ROBO2: variants seen among roughly 807,000 people sequenced by gnomAD.
ROBO2 encodes roundabout homolog 2.
A neutral mutation model predicts 160.8 loss-of-function variants in ROBO2; 53 were observed. The ratio of observed to expected loss-of-function variants is 0.33; its 90% confidence interval spans 0.26 to 0.41. The LOEUF is 0.41. Among genes scored for constraint, ROBO2 ranks in the 10% least tolerant of loss-of-function variants. ROBO2 has a pLI of 1.00. For synonymous variants in ROBO2, 664 were observed against 611.7 expected, an observed-to-expected ratio of 1.09 and a Z score of -1.26; for missense variants, 1,577 against 1,722.4, an observed-to-expected ratio of 0.92 and a Z score of 1.49.
At chr3:76,689,366 C>A (rs985860694) in intron 2 of ROBO2, among the ~76,000 whole-genome samples, 1 of 152,070 alleles carries the variant, frequency 6.6e-6, no homozygotes, top group Non-Finnish European at 1.5e-5. Context: ...AATTACAATA[C>A]AATGCATGGA....
intron 2 of ROBO2, among the ~76,000 whole-genome samples, chr3:76,273,110 C>T (rs1387792599): frequency 2.2e-4 from 5 of 22,262 alleles, no homozygotes; most frequent in Admixed American, 1.6e-3. Flanking sequence ...CATATACACA[C>T]ACACATATAA....
At chr3:76,532,947 A>G (rs539170080) in intron 2 of ROBO2, among the ~76,000 whole-genome samples, 1 of 152,316 alleles carries the variant, frequency 6.6e-6, no homozygotes, top group African/African-American at 2.4e-5. Flanking sequence ...GCTATTGAAA[A>G]TTTTGATACT....
chr3:76,043,186 T>A (rs1285154636), intron 2 of ROBO2, among the ~76,000 whole-genome samples: 2 of 151,946 alleles, frequency 1.3e-5, no homozygotes, highest in Non-Finnish European at 2.9e-5. Context: ...CAGATCATAG[T>A]GCCATGAATA....
At chr3:77,246,327 A>ATATGTGTGTG (rs112653468) in intron 2 of ROBO2, among the ~76,000 whole-genome samples, 3 of 145,830 alleles carry the variant, frequency 2.1e-5, no homozygotes, top group African/African-American at 7.7e-5. Context: ...GTGTATGTGT[A>ATATGTGTGTG]TGTGTGTGTG....
At chr3:77,509,014 T>C (rs116105866) in intron 5 of ROBO2, among the ~76,000 whole-genome samples, 1 of 152,008 alleles carries the variant, frequency 6.6e-6, no homozygotes. Context: ...TTAATGAGTG[T>C]AGTGTATGTC....
intron 2 of ROBO2, among the ~76,000 whole-genome samples, chr3:76,961,078 A>G (rs2079612628): frequency 6.6e-6 from 1 of 152,058 alleles, no homozygotes; most frequent in Non-Finnish European, 1.5e-5. Context: ...AATTTGGACC[A>G]AAGTTGGGGC....
chr3:76,680,845 C>T (rs188874812), intron 2 of ROBO2, among the ~76,000 whole-genome samples: 75 of 152,168 alleles, frequency 4.9e-4, no homozygotes, highest in African/African-American at 1.7e-3. Context: ...GGCGCAATCT[C>T]GCTCACTACA....
intron 2 of ROBO2, among the ~76,000 whole-genome samples, chr3:76,192,474 G>T (rs1159396829): frequency 1.0e-4 from 15 of 148,054 alleles, no homozygotes; most frequent in Non-Finnish European, 2.2e-4. Flanking sequence ...CTAATTCACA[G>T]AAGAAATGAA....
chr3:77,188,277 G>T (rs568766940), intron 2 of ROBO2, among the ~76,000 whole-genome samples: 1 of 151,890 alleles, frequency 6.6e-6, no homozygotes, highest in East Asian at 1.9e-4. Context: ...TTAATGTATA[G>T]GATATTTTTC....
Position 76,739,997 on chromosome 3 carries a change from A to C in ROBO2, c.110-358017A>C, listed in dbSNP as rs2093776414. Among the ~76,000 whole-genome samples the C allele has an allele frequency of 2.6e-5, 4 of 152,374 alleles. No homozygotes were observed. The South Asian group carries it at 8.3e-4, about 32-fold the overall frequency. Reference sequence around the variant, plus strand: ...TGGGTCTTCCATTTCAAAACTAAGAAAAATGGCGTTTTTGAACATATCTTT... The same window carrying C: ...TGGGTCTTCCATTTCAAAACTAAGACAAATGGCGTTTTTGAACATATCTTT... On this transcript the variant is annotated intron_variant, in intron 2 of 26. Transcript: ENST00000487694.
At chr3:76,451,713 G>C (rs2077483640) in intron 2 of ROBO2, among the ~76,000 whole-genome samples, 1 of 152,228 alleles carries the variant, frequency 6.6e-6, no homozygotes, top group East Asian at 1.9e-4. Context: ...TTTCTAAATT[G>C]TTAGATTCAA....
chr3:77,497,651 A>G (rs1473240011), intron 5 of ROBO2, among the ~76,000 whole-genome samples: 1 of 152,098 alleles, frequency 6.6e-6, no homozygotes, highest in Admixed American at 6.6e-5. Context: ...GCAAATATCC[A>G]ACATTTTGCT....
At chr3:76,209,492 AG>A (rs1200925725) in intron 2 of ROBO2, among the ~76,000 whole-genome samples, 1 of 152,198 alleles carries the variant, frequency 6.6e-6, no homozygotes, top group Non-Finnish European at 1.5e-5. Context: ...ATAATTGAAG[AG>A]GAAAAAAACA....
intron 2 of ROBO2, among the ~76,000 whole-genome samples, chr3:76,810,635 C>T (rs1243455692): frequency 6.6e-6 from 1 of 151,980 alleles, no homozygotes; most frequent in Admixed American, 6.6e-5. Context: ...CTACTACAGA[C>T]ACAATTTAAA....
chr3:76,261,814 A>G (rs1479675932), intron 2 of ROBO2, among the ~76,000 whole-genome samples: 1 of 152,080 alleles, frequency 6.6e-6, no homozygotes, highest in Admixed American at 6.6e-5. Flanking sequence ...TTCCTGGTAT[A>G]CTATTTATAT....
chr3:76,656,917 GCTGT>G (rs1201291451), intron 2 of ROBO2, among the ~76,000 whole-genome samples: 1 of 152,020 alleles, frequency 6.6e-6, no homozygotes, highest in Non-Finnish European at 1.5e-5. Context: ...TCTTTAACTG[GCTGT>G]CTATTTAGTC....
At chr3:76,397,005 T>G (rs898428780) in intron 2 of ROBO2, among the ~76,000 whole-genome samples, 1 of 152,002 alleles carries the variant, frequency 6.6e-6, no homozygotes, top group African/African-American at 2.4e-5. Flanking sequence ...AAAAAGAGCC[T>G]TCATCGCCAA....
At chr3:76,668,863 T>C (rs945620809) in intron 2 of ROBO2, among the ~76,000 whole-genome samples, 19 of 151,970 alleles carry the variant, frequency 1.3e-4, no homozygotes, top group African/African-American at 4.1e-4. Context: ...AATAGGAAAA[T>C]AGAAAAGCTG....
At chr3:77,109,278 A>G (rs2073256537) in intron 2 of ROBO2, among the ~76,000 whole-genome samples, 1 of 152,202 alleles carries the variant, frequency 6.6e-6, no homozygotes, top group Non-Finnish European at 1.5e-5. Flanking sequence ...AAGATGAAAA[A>G]GTTCTAGAGA....
Sources: allele counts gnomAD v4.1 joint callset (sites outside exome capture counted in the v4.1 genomes callset), GRCh38; gene constraint gnomAD v4.1.1; transcripts MANE v1.5; gene names NCBI Gene and HGNC (gene_info 2026-07-23, HGNC 2026-07-21).